Variants in KCNIP4 observed in about 807,000 individuals in gnomAD.
The protein encoded by KCNIP4 is potassium voltage-gated channel interacting protein 4.
KCNIP4 carries 12 observed loss-of-function variants against 34.0 expected under a neutral mutation model. That is an observed-to-expected ratio of 0.35 (90% CI 0.23 to 0.57). KCNIP4 has a LOEUF of 0.57. Ranked by LOEUF, KCNIP4 falls within the 20% of genes least tolerant of loss-of-function variation. KCNIP4 has a pLI of 0.83. For synonymous variants in KCNIP4, 124 were observed against 102.2 expected (o/e 1.21, Z -1.29); for missense variants, 238 against 311.7 (o/e 0.76, Z 1.78).
At chr4:21,931,732 T>TA (rs1256918547) in intron 1 of KCNIP4, among the ~76,000 whole-genome samples, 5 of 152,134 alleles carry the variant, frequency 3.3e-5, no homozygotes, top group African/African-American at 1.2e-4. Context: ...AGTGCCGCAA[T>TA]AAACATACGT....
chr4:21,096,068 G>T (rs1747435880), intron 1 of KCNIP4, among the ~76,000 whole-genome samples: 1 of 152,032 alleles, frequency 6.6e-6, no homozygotes, highest in East Asian at 1.9e-4. Flanking sequence ...CAAACTATCT[G>T]GGGAGATTAA....
At chr4:21,604,834 C>T (rs972846888) in intron 1 of KCNIP4, among the ~76,000 whole-genome samples, 4 of 152,126 alleles carry the variant, frequency 2.6e-5, no homozygotes, top group Admixed American at 2.6e-4. Context: ...GAAAGACAAA[C>T]TAGAAAAGTA....
chr4:21,945,426 C>T (rs947963540), intron 1 of KCNIP4, among the ~76,000 whole-genome samples: 1 of 152,126 alleles, frequency 6.6e-6, no homozygotes, highest in Non-Finnish European at 1.5e-5. Flanking sequence ...AAAAGCTTTT[C>T]ATGGATTCAG....
At chr4:20,937,222 C>CTTTTTTTTTTTTT (rs397992488) in intron 1 of KCNIP4, among the ~76,000 whole-genome samples, 3 of 45,524 alleles carry the variant, frequency 6.6e-5, no homozygotes, top group Non-Finnish European at 8.5e-5. Flanking sequence ...CCCAAGGAGT[C>CTTTTTTTTTTTTT]TTTTTTTTTT....
At chr4:21,370,836 TATATATATATATATACACAC>T (rs1157778532) in intron 1 of KCNIP4, among the ~76,000 whole-genome samples, 12 of 31,674 alleles carry the variant, frequency 3.8e-4, no homozygotes, top group Non-Finnish European at 4.4e-4. Flanking sequence ...TATATATATA[TATATATATATATATACACAC>T]ACACACACAC....
At chr4:21,086,791 G>A (rs1276663781) in intron 1 of KCNIP4, among the ~76,000 whole-genome samples, 1 of 151,848 alleles carries the variant, frequency 6.6e-6, no homozygotes, top group Non-Finnish European at 1.5e-5. Context: ...CTCTCTGTTG[G>A]TTAAAATCTC....
At chr4:21,652,109 C>A (rs1299803494) in intron 1 of KCNIP4, among the ~76,000 whole-genome samples, 3 of 152,146 alleles carry the variant, frequency 2.0e-5, no homozygotes, top group Admixed American at 1.3e-4. Context: ...TCCATCTAAT[C>A]TTCTGGATGG....
At chr4:21,551,983 G>C (rs1246043552) in intron 1 of KCNIP4, among the ~76,000 whole-genome samples, 1 of 150,344 alleles carries the variant, frequency 6.7e-6, no homozygotes, top group Non-Finnish European at 1.5e-5. Flanking sequence ...CATTCGACCT[G>C]TCCAGTTATA....
chr4:20,873,615 A>C (rs1324075978), intron 2 of KCNIP4, among the ~76,000 whole-genome samples: 1 of 152,074 alleles, frequency 6.6e-6, no homozygotes, highest in African/African-American at 2.4e-5. Context: ...ATCCTTTGCT[A>C]GTCTTTTCTC....
At chr4:21,578,637 G>A (rs1471592306) in intron 1 of KCNIP4, among the ~76,000 whole-genome samples, 2 of 152,086 alleles carry the variant, frequency 1.3e-5, no homozygotes, top group Admixed American at 1.3e-4. Context: ...CTGCTCATCC[G>A]TGCCATCTCA....
chr4:21,360,822 G>A (rs557712480), intron 1 of KCNIP4, among the ~76,000 whole-genome samples: 46 of 152,042 alleles, frequency 3.0e-4, no homozygotes, highest in Non-Finnish European at 5.0e-4. Context: ...TTGCCTAAAC[G>A]GTCATGTTTA....
intron 1 of KCNIP4, among the ~76,000 whole-genome samples, chr4:21,782,022 G>GA (rs749189365): frequency 8.1e-4 from 111 of 136,870 alleles, no homozygotes; most frequent in Non-Finnish European, 1.6e-3. Flanking sequence ...GAAAGGCAGA[G>GA]AAAAAATAAA....
chr4:21,874,274 C>T (rs1725973547), intron 1 of KCNIP4, among the ~76,000 whole-genome samples: 1 of 152,202 alleles, frequency 6.6e-6, no homozygotes, highest in African/African-American at 2.4e-5. Flanking sequence ...TTACTGTTCC[C>T]TCCTTCTCTA....
At chr4:21,430,133 G>A (rs1449600055) in intron 1 of KCNIP4, among the ~76,000 whole-genome samples, 1 of 151,870 alleles carries the variant, frequency 6.6e-6, no homozygotes, top group Non-Finnish European at 1.5e-5. Context: ...CTTTTATCAG[G>A]CTTGTGTTTT....
intron 1 of KCNIP4, among the ~76,000 whole-genome samples, chr4:21,053,685 T>A (rs28612919): frequency 0.028 from 4,197 of 152,244 alleles, 163 homozygotes; most frequent in African/African-American, 0.095. Flanking sequence ...CAAGATTAGT[T>A]TATAAAAGTC....
At chr4:21,188,395 A>C (rs2109340830) in intron 1 of KCNIP4, among the ~76,000 whole-genome samples, 1 of 152,294 alleles carries the variant, frequency 6.6e-6, no homozygotes, top group East Asian at 1.9e-4. Context: ...CAATCTAATC[A>C]AAGAAAACAT....
At chr4:21,423,015 C>A (rs1560390496) in intron 1 of KCNIP4, among the ~76,000 whole-genome samples, 1 of 152,058 alleles carries the variant, frequency 6.6e-6, no homozygotes, top group South Asian at 2.1e-4. Context: ...ACAATTATGC[C>A]CAACTTTATC....
At chr4:21,532,692 A>G (rs2108981015) in intron 1 of KCNIP4, among the ~76,000 whole-genome samples, 1 of 152,242 alleles carries the variant, frequency 6.6e-6, no homozygotes, top group African/African-American at 2.4e-5. Flanking sequence ...GTATGTATGA[A>G]CTTGCTGACA....
At chr4:21,744,994 T>G (rs1402807523) in intron 1 of KCNIP4, among the ~76,000 whole-genome samples, 1 of 152,194 alleles carries the variant, frequency 6.6e-6, no homozygotes, top group African/African-American at 2.4e-5. Flanking sequence ...AACAGTTTTA[T>G]GTTTTAAAAA....
Sources: allele counts gnomAD v4.1 joint callset (sites outside exome capture counted in the v4.1 genomes callset), GRCh38; gene constraint gnomAD v4.1.1; transcripts MANE v1.5; gene names NCBI Gene and HGNC (gene_info 2026-07-23, HGNC 2026-07-21).